Variants in CCSER2 observed in about 807,000 individuals in gnomAD.
CCSER2 encodes the protein coiled-coil serine rich protein 2.
In CCSER2, 46 loss-of-function variants were observed where a neutral mutation model predicts 92.3. The ratio of observed to expected loss-of-function variants is 0.50; its 90% confidence interval spans 0.39 to 0.64. The LOEUF (loss-of-function observed/expected upper bound fraction) is 0.64. Ranked by LOEUF, CCSER2 falls within the 30% of genes least tolerant of loss-of-function variation. The pLI is 0.00. For synonymous variants in CCSER2, 433 were observed against 431.4 expected (o/e 1.00, Z -0.04); for missense variants, 1,244 against 1,238.9 (o/e 1.00, Z -0.06).
chr10:84,445,434 TG>T, intron 6 of CCSER2, among the ~76,000 whole-genome samples: 1 of 152,254 alleles, frequency 6.6e-6, no homozygotes, highest in Non-Finnish European at 1.5e-5. Flanking sequence ...ATTACAGGCG[TG>T]AGCCACCGCA....
At chr10:84,440,151 C>T (rs945652666) in intron 6 of CCSER2, among the ~76,000 whole-genome samples, 2 of 151,974 alleles carry the variant, frequency 1.3e-5, no homozygotes, top group Non-Finnish European at 2.9e-5. Context: ...TGATTGGTAC[C>T]ATAAAAATAA....
At chr10:84,378,248 C>T (rs565696221) in intron 3 of CCSER2, among the ~76,000 whole-genome samples, 59 of 149,136 alleles carry the variant, frequency 4.0e-4, no homozygotes, top group African/African-American at 1.4e-3. Flanking sequence ...GCTTTCTCTA[C>T]GTCTGTTGAG....
intron 1 of CCSER2, among the ~76,000 whole-genome samples, chr10:84,353,107 A>G (rs1844957139): frequency 6.6e-6 from 1 of 152,214 alleles, no homozygotes; most frequent in African/African-American, 2.4e-5. Context: ...TACAATTCTT[A>G]TAAGTGAATA....
intron 3 of CCSER2, among the ~76,000 whole-genome samples, chr10:84,409,129 T>TAG (rs1306945308): frequency 6.6e-6 from 1 of 151,964 alleles, no homozygotes; most frequent in Non-Finnish European, 1.5e-5. Flanking sequence ...TAGCTGGAAT[T>TAG]ACAGGTGCCT....
Position 84,425,854 on chromosome 10 carries a change from C to T in CCSER2, c.1829C>T (p.Pro610Leu), listed in dbSNP as rs1299934655. The change falls in exon 5 of 10, where the codon CCT becomes CTT. Residue 610 changes from proline (P) to leucine (L), a missense_variant. Physicochemically the swap from Pro to Leu is moderately conservative, Grantham distance 98 (BLOSUM62 -3). Transcript: ENST00000372088. The part of the protein sequence containing the change: ...SGQEHYHLSH[P>L]DHYHHHGKSD... ...CAGGAGCATTACCACCTCAGCCACC[C>T]TGACCACTATCATCACCATGGAAAA... 1 of 1,611,810 alleles carries T rather than the reference C, an allele frequency of 6.2e-7. No homozygotes were observed. The highest frequency in any genetic ancestry group is 1.3e-5 in the African/African-American group (1 of 74,834).
Position 84,429,786 on chromosome 10 carries a change from C to T in CCSER2, c.1868+3893C>T, listed in dbSNP as rs571755809. Among the ~76,000 whole-genome samples the T allele has an allele frequency of 4.1e-4, 62 of 151,582 alleles. 1 individual carries two copies. In the South Asian group the frequency reaches 0.012, roughly 29 times the overall value. Reference sequence around the variant, plus strand: ...TTGGGACATGTTTGGTCATTAGTTACGTTCTTTCTGCCCCTCCCCACTTCG... The same window carrying T: ...TTGGGACATGTTTGGTCATTAGTTATGTTCTTTCTGCCCCTCCCCACTTCG... On this transcript the variant is annotated intron_variant, in intron 5 of 9. Coordinates refer to ENST00000372088, the MANE Select transcript of CCSER2 (RefSeq NM_001284240.2).
In CCSER2 at chr10:84,372,247, T is replaced by C. The variant is rs1174072503; in HGVS notation, c.1195T>C (p.Leu399=). The C allele has an allele frequency of 6.2e-7, 1 of 1,613,012 alleles. No homozygotes were observed. The highest frequency in any genetic ancestry group is 8.5e-7 in the Non-Finnish European group (1 of 1,179,132). The change falls in exon 2 of 10, where the codon TTG becomes CTG. Residue 399 remains leucine, a synonymous_variant. Transcript: ENST00000372088. ...YLSDDVDDIS[L]SSLSSSDKND... is the part of the protein sequence containing the mutation. ...GAGTGATGATGTGGATGACATTTCC[T>C]TGTCGTCTTTGTCATCTTCTGATAA...
intron 1 of CCSER2, among the ~76,000 whole-genome samples, chr10:84,337,610 G>A (rs1843910912): frequency 6.6e-6 from 1 of 152,198 alleles, no homozygotes; most frequent in Non-Finnish European, 1.5e-5. Flanking sequence ...GTAGCTGGAG[G>A]GGATGTCCAG....
At chr10:84,476,139 A>G (rs1388303522) in intron 8 of CCSER2, among the ~76,000 whole-genome samples, 1 of 152,086 alleles carries the variant, frequency 6.6e-6, no homozygotes, top group Non-Finnish European at 1.5e-5. Flanking sequence ...CCCAGCCTAT[A>G]TTGAATTTTG....
At chr10:84,333,583 G>A (rs1843687749) in intron 1 of CCSER2, among the ~76,000 whole-genome samples, 1 of 152,226 alleles carries the variant, frequency 6.6e-6, no homozygotes, top group Non-Finnish European at 1.5e-5. Flanking sequence ...TGCAAAGCAA[G>A]GGGATGATAT....
intron 6 of CCSER2, among the ~76,000 whole-genome samples, chr10:84,460,087 ATT>A (rs34335757): frequency 6.8e-5 from 7 of 103,280 alleles, no homozygotes; most frequent in Non-Finnish European, 7.5e-5. Context: ...TGATTCTTCG[ATT>A]TTTTTTTTTT....
intron 1 of CCSER2, among the ~76,000 whole-genome samples, chr10:84,364,385 T>C (rs949961847): frequency 2.0e-5 from 3 of 152,230 alleles, no homozygotes; most frequent in Non-Finnish European, 4.4e-5. Flanking sequence ...ACATCATTGC[T>C]TGGCTCACTG....
chr10:84,507,275 C>T (rs1849108645), intron 9 of CCSER2: 1 of 982,310 alleles, frequency 1.0e-6, no homozygotes, highest in Non-Finnish European at 1.2e-6. Flanking sequence ...CTCTGCTCTC[C>T]CATTATGCCA....
chr10:84,372,283 A>G lies in CCSER2; in HGVS notation c.1231A>G (p.Ser411Gly). The change falls in exon 2 of 10, where the codon AGT becomes GGT. Residue 411 changes from serine (S) to glycine (G), a missense_variant. Ser to Gly is a moderately conservative substitution (Grantham distance 56, BLOSUM62 0). Transcript: ENST00000372088. ...SLSSSDKNDL[S>G]EDFSDDFIDI... ...GTCATCTTCTGATAAGAATGATTTA[A>G]GTGAAGACTTTAGTGATGATTTTAT... 6.2e-7 allele frequency: 1 copy of G among 1,613,236 alleles called. No individual in the cohort carries two copies. The highest frequency in any genetic ancestry group is 8.5e-7 in the Non-Finnish European group (1 of 1,179,350).
At position 84,513,976 on chromosome 10, in the gene CCSER2, A is replaced by G. The variant is rs1849502652; in HGVS notation, c.2853A>G (p.Pro951=). 6.5e-7 allele frequency: 1 copy of G among 1,536,596 alleles called. No individual in the cohort carries two copies. The highest frequency in any genetic ancestry group is 8.7e-7 in the Non-Finnish European group (1 of 1,147,048). The part of the protein sequence containing the change: ...PSRTPTCKKS[P]IITTCNSAKL... ...GGACTCCCACTTGTAAAAAGTCACC[A>G]ATAATCACAACATGTAATTCAGCAA... The change falls in exon 10 of 10, where the codon CCA becomes CCG. Residue 951 remains proline (P), a synonymous_variant. Transcript: ENST00000372088.
chr10:84,349,730 A>T (rs2133062517), intron 1 of CCSER2, among the ~76,000 whole-genome samples: 1 of 152,316 alleles, frequency 6.6e-6, no homozygotes, highest in African/African-American at 2.4e-5. Context: ...CATCTACTTC[A>T]ACCAGCCTAG....
At chr10:84,346,987 G>A (rs11815052) in intron 1 of CCSER2, among the ~76,000 whole-genome samples, 31,515 of 151,566 alleles carry the variant, frequency 0.21, 3,538 homozygotes, top group Admixed American at 0.34. Flanking sequence ...ATGACTCTTA[G>A]CGAGCATGCT....
At chr10:84,403,157 A>G (rs917976346) in intron 3 of CCSER2, among the ~76,000 whole-genome samples, 10 of 142,254 alleles carry the variant, frequency 7.0e-5, no homozygotes, top group Non-Finnish European at 1.2e-4. Flanking sequence ...AGACCTACAC[A>G]AATATGCCCA....
In CCSER2 at chr10:84,371,646, T is replaced by A. The variant is rs779293524; in HGVS notation, c.594T>A (p.Ser198Arg). The change falls in exon 2 of 10, where the codon AGT (serine) becomes AGA (arginine). Residue 198 changes from serine to arginine, a missense_variant. Ser to Arg is a moderately radical substitution (Grantham distance 110). Coordinates refer to ENST00000372088, the MANE Select transcript of CCSER2 (RefSeq NM_001284240.2). ...CGAACTCCTGTGCCACCAGAAGCAG[T>A]TCTGGAGAAAGCTTAGCTCAATCCC... ...PRANSCATRSSSGESLAQSPD... is the reference protein window; with the variant it reads ...PRANSCATRSRSGESLAQSPD... 4 of 1,613,758 alleles carry A rather than the reference T, an allele frequency of 2.5e-6. No homozygotes were observed. Among genetic ancestry groups the A allele is most frequent in the Non-Finnish European group, 2.5e-6 (3 of 1,179,790 alleles).
Sources: gnomAD v4.1 joint callset for allele counts (sites outside exome capture counted in the v4.1 genomes callset) on GRCh38, gnomAD v4.1.1 for gene constraint, MANE v1.5 for transcripts, NCBI Gene and HGNC (gene_info 2026-07-23, HGNC 2026-07-21) for gene names.